The following UNC93A variants were observed in gnomAD, a reference collection of about 807,000 sequenced individuals.
UNC93A encodes N-acetylglucosamine transporter UNC93A.
A neutral mutation model predicts 47.5 loss-of-function variants in UNC93A; 43 were observed. The ratio of observed to expected loss-of-function variants is 0.91; its 90% CI spans 0.71 to 1.17. The LOEUF is 1.17. Among genes scored for constraint, UNC93A ranks in the 50% most tolerant of loss-of-function variants. The pLI is 0.00. For synonymous variants in UNC93A, 280 were observed against 258.0 expected, an observed-to-expected ratio of 1.09 and a Z score of -0.82; for missense variants, 605 against 577.6, an observed-to-expected ratio of 1.05 and a Z score of -0.49.
At chr6:167,299,202 GTA>G (rs3046657) in intron 4 of UNC93A, among the ~76,000 whole-genome samples, 88 of 147,224 alleles carry the variant, frequency 6.0e-4, no homozygotes, top group Middle Eastern at 3.5e-3. Context: ...ATTTCTATAT[GTA>G]TATATATATA....
chr6:167,284,693 G>T (rs1397571270), intron 1 of UNC93A, among the ~76,000 whole-genome samples: 1 of 152,288 alleles, frequency 6.6e-6, no homozygotes, highest in Non-Finnish European at 1.5e-5. Flanking sequence ...GGATTCCTTG[G>T]AAAAACAGAG....
At chr6:167,311,414 C>A (rs1403048220) in intron 7 of UNC93A, among the ~76,000 whole-genome samples, 5 of 152,226 alleles carry the variant, frequency 3.3e-5, no homozygotes, top group Non-Finnish European at 7.3e-5. Flanking sequence ...AAGGGGAGAT[C>A]TGTGCCAGGC....
chr6:167,299,798 G>C (rs1430557631), intron 4 of UNC93A, among the ~76,000 whole-genome samples: 1 of 152,236 alleles, frequency 6.6e-6, no homozygotes, highest in African/African-American at 2.4e-5. Context: ...AGAGCCCGCA[G>C]GGCTGGGGGC....
chr6:167,296,382 A>T (rs1259986731), intron 3 of UNC93A, 121 bp downstream of exon 3: 1 of 1,031,926 alleles, frequency 9.7e-7, no homozygotes, highest in Non-Finnish European at 1.4e-6. Flanking sequence ...CAGGTGAGTC[A>T]GGCCCCACAG....
intron 5 of UNC93A, 21 bp from the exon 6 acceptor site, chr6:167,305,894 G>T: frequency 6.2e-7 from 1 of 1,614,018 alleles, no homozygotes; most frequent in Non-Finnish European, 8.5e-7. Flanking sequence ...CCATGACGTG[G>T]CTCTGCACCC....
intron 1 of UNC93A, among the ~76,000 whole-genome samples, chr6:167,277,110 T>C (rs1583059135): frequency 1.3e-5 from 2 of 152,142 alleles, no homozygotes; most frequent in Non-Finnish European, 2.9e-5. Context: ...GCCAGTCAGG[T>C]GCATTTGTCT....
At chr6:167,301,521 A>G (rs1014868567) in intron 4 of UNC93A, among the ~76,000 whole-genome samples, 1 of 152,156 alleles carries the variant, frequency 6.6e-6, no homozygotes, top group African/African-American at 2.4e-5. Context: ...ATTCATAGTC[A>G]AGTTTCTTGC....
chr6:167,275,463 C>T (rs1783523822), intron 1 of UNC93A, among the ~76,000 whole-genome samples: 1 of 152,244 alleles, frequency 6.6e-6, no homozygotes. Context: ...CACATTTGGG[C>T]TTTCATGATA....
intron 1 of UNC93A, among the ~76,000 whole-genome samples, chr6:167,282,829 G>C (rs1424618279): frequency 6.6e-6 from 1 of 152,166 alleles, no homozygotes; most frequent in Non-Finnish European, 1.5e-5. Flanking sequence ...TGTGTGCATT[G>C]GTTCAGTCCT....
intron 4 of UNC93A, among the ~76,000 whole-genome samples, chr6:167,299,594 C>T (rs1778184225): frequency 6.6e-6 from 1 of 152,214 alleles, no homozygotes; most frequent in Admixed American, 6.5e-5. Flanking sequence ...CAGACACACA[C>T]CCAACTAACC....
intron 1 of UNC93A, among the ~76,000 whole-genome samples, chr6:167,280,238 C>A (rs1036019151): frequency 6.6e-6 from 1 of 152,150 alleles, no homozygotes; most frequent in Non-Finnish European, 1.5e-5. Context: ...GCTCCTACCC[C>A]CTGCAGGCTC....
At position 167,315,378 on chromosome 6, in the gene UNC93A, A is replaced by G. The variant is rs1370568839; in HGVS notation, c.1300A>G (p.Lys434Glu). Residue 434 changes from lysine (K) to glutamate (E), a missense_variant, in exon 8 of 8, where the codon AAG becomes GAG. Physicochemically the swap from Lys to Glu is moderately conservative, Grantham distance 56. Coordinates refer to ENST00000230256, the MANE Select transcript of UNC93A (RefSeq NM_018974.4). ...AYGLVECVES[K>E]NPIRPHAPGQ... ...TGGGCTTGTGGAGTGCGTGGAGTCC[A>G]AGAACCCGATCAGACCCCACGCTCC... The G allele has an allele frequency of 6.2e-7, 1 of 1,613,938 alleles. No individual in the cohort carries two copies. The highest frequency in any genetic ancestry group is 1.7e-5 in the Admixed American group (1 of 60,014).
rs114000965 is a variant in UNC93A, at chr6:167,300,879, C to T, written c.625+2809C>T. ...AAGACTTCTCCTATCTATAAAAGAACAGAATTTTGGAGTGGGGGCTGCAGC... is the reference window on the plus strand; with the variant it reads ...AAGACTTCTCCTATCTATAAAAGAATAGAATTTTGGAGTGGGGGCTGCAGC... On this transcript the variant is annotated intron_variant, in intron 4 of 7. Coordinates refer to ENST00000230256, the MANE Select transcript of UNC93A (RefSeq NM_018974.4). Among the ~76,000 whole-genome samples the T allele has an allele frequency of 3.3e-3, 505 of 152,318 alleles. 2 individuals are homozygous for T. Among genetic ancestry groups the T allele is most frequent in the African/African-American group, 0.012 (490 of 41,568 alleles).
intron 2 of UNC93A, 120 bp downstream of exon 2, chr6:167,294,818 A>G: frequency 8.7e-7 from 1 of 1,151,156 alleles, no homozygotes; most frequent in East Asian, 2.5e-5. Context: ...TTTTAAAATG[A>G]GCTCTCCTGC....
chr6:167,292,902 A>C (rs2981959), intron 1 of UNC93A, among the ~76,000 whole-genome samples: 5 of 151,856 alleles, frequency 3.3e-5, no homozygotes, highest in African/African-American at 1.2e-4. Flanking sequence ...TGGGGTCAGC[A>C]TTCCTAGGAA....
chr6:167,290,890 G>T (rs1488988496), upstream of UNC93A, among the ~76,000 whole-genome samples: 1 of 152,174 alleles, frequency 6.6e-6, no homozygotes, highest in African/African-American at 2.4e-5. Context: ...CATGTAAGTT[G>T]TTTTTTCTTT....
At chr6:167,300,058 G>A (rs372837650) in intron 4 of UNC93A, among the ~76,000 whole-genome samples, 3,404 of 141,344 alleles carry the variant, frequency 0.024, 152 homozygotes, top group African/African-American at 0.088. Context: ...TGGACATGGT[G>A]TGGGGAAGAG....
intron 6 of UNC93A, 45 bp from the exon 7 acceptor site, chr6:167,307,731 CATG>C: frequency 6.4e-7 from 1 of 1,568,670 alleles, no homozygotes; most frequent in Non-Finnish European, 8.6e-7. Context: ...CCCTCCAGGC[CATG>C]ATGATGGCCC....
Position 167,315,499 on chromosome 6 carries a change from G to T in UNC93A, c.*47G>T, listed in dbSNP as rs768622742. 6.2e-7 allele frequency: 1 copy of T among 1,613,538 alleles called. No homozygotes were observed. ...ATGAACTCAGAAAGCACCAGCCAGA[G>T]AATTTTCTTAGAAGATGCCTCAGGA... On this transcript the variant is annotated 3_prime_UTR_variant, in exon 8 of 8. Transcript: ENST00000230256.
Sources: gnomAD v4.1 joint callset for allele counts (sites outside exome capture counted in the v4.1 genomes callset) on GRCh38, gnomAD v4.1.1 for gene constraint, MANE v1.5 for transcripts, NCBI Gene and HGNC (gene_info 2026-07-23, HGNC 2026-07-21) for gene names.